Variants in NCOA2 observed in about 807,000 individuals in gnomAD.
The protein encoded by NCOA2 is class E basic helix-loop-helix protein 75.
Under a neutral mutation model 145.1 loss-of-function variants are expected in NCOA2, and 21 were observed. The ratio of observed to expected loss-of-function variants is 0.14; its 90% CI spans 0.10 to 0.21. The LOEUF (loss-of-function observed/expected upper bound fraction) is 0.21, where lower values mean the gene tolerates loss of function less well. Ranked by LOEUF, NCOA2 falls within the 10% of genes least tolerant of loss-of-function variation. The pLI is 1.00. For missense variants in NCOA2, 1,472 were observed against 1,837.6 expected (o/e 0.80, Z 3.64); for synonymous variants, 619 against 637.5 (o/e 0.97, Z 0.44).
intron 1 of NCOA2, among the ~76,000 whole-genome samples, chr8:70,336,400 C>T (rs1206610787): frequency 1.3e-5 from 2 of 152,108 alleles, no homozygotes; most frequent in African/African-American, 4.8e-5. Context: ...TCAGAAATTC[C>T]TTCTTTTTTA....
At chr8:70,384,157 T>C (rs1316052325) in intron 1 of NCOA2, among the ~76,000 whole-genome samples, 3 of 152,178 alleles carry the variant, frequency 2.0e-5, no homozygotes, top group Non-Finnish European at 4.4e-5. Flanking sequence ...AATTAAACTG[T>C]ACGGCAAAGG....
At chr8:70,435,349 C>G in the NCOA2 span, among the ~76,000 whole-genome samples, 21 of 132,404 alleles carry the variant, frequency 1.6e-4, no homozygotes, top group East Asian at 5.0e-3. Context: ...GGCATGAACC[C>G]AAGAGGCGGA....
At chr8:70,269,078 G>A (rs894786631) in intron 2 of NCOA2, among the ~76,000 whole-genome samples, 1 of 151,952 alleles carries the variant, frequency 6.6e-6, no homozygotes, top group Non-Finnish European at 1.5e-5. Flanking sequence ...TACACTATGT[G>A]ATATATTTAC....
intron 2 of NCOA2, among the ~76,000 whole-genome samples, chr8:70,261,964 G>A (rs1214790849): frequency 6.6e-6 from 1 of 152,034 alleles, no homozygotes; most frequent in Non-Finnish European, 1.5e-5. Context: ...GCCAACCACT[G>A]CAGATAAATC....
At chr8:70,235,088 A>C (rs2134305115) in intron 2 of NCOA2, among the ~76,000 whole-genome samples, 1 of 152,362 alleles carries the variant, frequency 6.6e-6, no homozygotes, top group South Asian at 2.1e-4. Context: ...ATGTCCATCA[A>C]CATATGAATA....
chr8:70,177,117 AG>A (rs1563573209), intron 4 of NCOA2, among the ~76,000 whole-genome samples: 1 of 152,188 alleles, frequency 6.6e-6, no homozygotes, highest in East Asian at 1.9e-4. Flanking sequence ...GGGTCGCATC[AG>A]GGGTCACATT....
intron 2 of NCOA2, among the ~76,000 whole-genome samples, chr8:70,270,482 G>A (rs1283795380): frequency 1.3e-5 from 2 of 151,674 alleles, no homozygotes; most frequent in Non-Finnish European, 2.9e-5. Flanking sequence ...CGGGACAGGC[G>A]ACTTATTGAT....
intron 7 of NCOA2, among the ~76,000 whole-genome samples, chr8:70,165,914 G>A (rs1281523453): frequency 1.3e-5 from 2 of 152,146 alleles, no homozygotes; most frequent in Non-Finnish European, 2.9e-5. Flanking sequence ...CCGCCTCTCA[G>A]GTTCAAGTGA....
At chr8:70,123,064 T>C (rs2131373585) in intron 21 of NCOA2, among the ~76,000 whole-genome samples, 1 of 152,334 alleles carries the variant, frequency 6.6e-6, no homozygotes, top group South Asian at 2.1e-4. Flanking sequence ...TACTTTTACC[T>C]CTGAATCAGC....
Position 70,163,498 on chromosome 8 carries a change from A to G in NCOA2, c.799T>C (p.Ser267Pro). The change falls in exon 8 of 23, where the codon TCA becomes CCA. Residue 267 changes from serine (S) to proline (P), a missense_variant. Around this residue, in one of 4 missense-constraint regions of NCOA2, gnomAD observed 284 missense variants for 467.8 expected, o/e 0.61. Transcript: ENST00000452400. The part of the protein sequence containing the change: ...PMKERPVLPS[S>P]ESFTTRQDLQ... ...TCCTGGCGAGTAGTAAAACTTTCTGATGAGGGAAGAACTGGTCTTTCCTTC... is the reference window on the plus strand; with the variant it reads ...TCCTGGCGAGTAGTAAAACTTTCTGGTGAGGGAAGAACTGGTCTTTCCTTC... 6.2e-7 allele frequency: 1 copy of G among 1,613,926 alleles called. No individual in the cohort carries two copies. The highest frequency in any genetic ancestry group is 8.5e-7 in the Non-Finnish European group (1 of 1,179,810).
intron 10 of NCOA2, among the ~76,000 whole-genome samples, chr8:70,158,791 C>T (rs1160324629): frequency 6.6e-6 from 1 of 152,044 alleles, no homozygotes; most frequent in East Asian, 1.9e-4. Context: ...AAAAACCAAA[C>T]AGTTCTACAT....
At chr8:70,354,985 G>A (rs1809557140) in intron 1 of NCOA2, among the ~76,000 whole-genome samples, 1 of 152,168 alleles carries the variant, frequency 6.6e-6, no homozygotes, top group East Asian at 1.9e-4. Context: ...ACAGATGTTG[G>A]TCCTCGAATG....
chr8:70,446,622 T>A, the NCOA2 span, among the ~76,000 whole-genome samples: 5 of 152,168 alleles, frequency 3.3e-5, no homozygotes, highest in Admixed American at 6.5e-5. Context: ...TTTTTTTCCC[T>A]CCCTGCCTTT....
At chr8:70,439,182 G>T in the NCOA2 span, among the ~76,000 whole-genome samples, 1 of 152,094 alleles carries the variant, frequency 6.6e-6, no homozygotes, top group East Asian at 1.9e-4. Flanking sequence ...TATGTCTCTT[G>T]CTATGCCCAG....
At chr8:70,430,674 T>C in the NCOA2 span, among the ~76,000 whole-genome samples, 24 of 152,268 alleles carry the variant, frequency 1.6e-4, no homozygotes, top group South Asian at 5.0e-3. Flanking sequence ...ATGTTCCCTT[T>C]CACTCAATTA....
chr8:70,362,047 T>G (rs1050222314), intron 1 of NCOA2, among the ~76,000 whole-genome samples: 1 of 152,214 alleles, frequency 6.6e-6, no homozygotes, highest in Non-Finnish European at 1.5e-5. Context: ...AGAATTCATT[T>G]CCTCCATACA....
chr8:70,420,655 G>A, the NCOA2 span, among the ~76,000 whole-genome samples: 4 of 152,138 alleles, frequency 2.6e-5, no homozygotes, highest in South Asian at 6.2e-4. Flanking sequence ...TTGTTTTTGT[G>A]TTTTGTTTTT....
chr8:70,440,466 C>T, the NCOA2 span, among the ~76,000 whole-genome samples: 1 of 151,866 alleles, frequency 6.6e-6, no homozygotes, highest in African/African-American at 2.4e-5. Context: ...CCCAGCTACT[C>T]GGGAGGCTGA....
At chr8:70,248,925 C>A (rs1279746398) in intron 2 of NCOA2, among the ~76,000 whole-genome samples, 1 of 151,814 alleles carries the variant, frequency 6.6e-6, no homozygotes, top group Non-Finnish European at 1.5e-5. Flanking sequence ...ACAGTTTATC[C>A]ATTCTCCTAT....
Sources: gnomAD v4.1 joint callset for allele counts (sites outside exome capture counted in the v4.1 genomes callset) on GRCh38, gnomAD v4.1.1 for gene constraint, gnomAD v4.1.1 regional missense constraint, MANE v1.5 for transcripts, NCBI Gene and HGNC (gene_info 2026-07-23, HGNC 2026-07-21) for gene names.